The following OSBPL10 variants were observed in gnomAD, a reference collection of about 807,000 sequenced individuals.
OSBPL10 encodes the protein oxysterol binding protein like 10, also known as oxysterol-binding protein-related protein 10.
A neutral mutation model predicts 81.7 loss-of-function variants in OSBPL10; 49 were observed. The ratio of observed to expected loss-of-function variants is 0.60; its 90% CI spans 0.48 to 0.76. The LOEUF is 0.76. OSBPL10 is among the 30% of genes least tolerant of loss of function. The pLI is 0.00. For missense variants in OSBPL10, 923 were observed against 987.8 expected, an observed-to-expected ratio of 0.93 and a Z score of 0.88; for synonymous variants, 419 against 383.6, an observed-to-expected ratio of 1.09 and a Z score of -1.08.
chr3:31,981,321 A>G, upstream of OSBPL10: 1 of 1,248,100 alleles, frequency 8.0e-7, no homozygotes, highest in South Asian at 3.0e-5. The surrounding 1 kb of genome is among the most constrained non-coding windows in gnomAD (Gnocchi z 4.5). Flanking sequence ...ATACAGGAGG[A>G]AGAGGAGGAG....
intron 4 of OSBPL10, among the ~76,000 whole-genome samples, chr3:31,748,508 C>T (rs1210788938): frequency 3.9e-5 from 6 of 152,144 alleles, no homozygotes; most frequent in Non-Finnish European, 8.8e-5. Flanking sequence ...TCCCTCCTTG[C>T]TTTTCCTCCA....
In OSBPL10 at chr3:31,864,535, C is replaced by A. The variant is rs182575101; in HGVS notation, c.537+11898G>T. Among the ~76,000 whole-genome samples the A allele has an allele frequency of 1.2e-4, 19 of 152,180 alleles. No individual in the cohort carries two copies. In the South Asian group the frequency reaches 3.7e-3, roughly 30 times the overall value. ...GATTACAGGAGTGAGCCACCGCACC[C>A]GACCATATACTTAACCATATAAAGT... On this transcript the variant is annotated intron_variant, in intron 3 of 11. Transcript: ENST00000396556.
chr3:31,995,587 A>G (rs2125526631), intron 2 of OSBPL10, among the ~76,000 whole-genome samples: 1 of 152,342 alleles, frequency 6.6e-6, no homozygotes, highest in Non-Finnish European at 1.5e-5. Context: ...TTTACAATCA[A>G]TTTGTACAGT....
At chr3:32,029,603 C>A (rs1699448518) in intron 2 of OSBPL10, among the ~76,000 whole-genome samples, 1 of 152,162 alleles carries the variant, frequency 6.6e-6, no homozygotes, top group Admixed American at 6.5e-5. Context: ...CATGAATCAA[C>A]ATCATGTTCT....
chr3:31,698,738 T>G (rs1695804213), intron 7 of OSBPL10, among the ~76,000 whole-genome samples: 1 of 152,212 alleles, frequency 6.6e-6, no homozygotes, highest in South Asian at 2.1e-4. Context: ...GATGCTCACA[T>G]GGCTGGCTCC....
chr3:31,676,951 G>A (rs1166179149), intron 8 of OSBPL10, among the ~76,000 whole-genome samples: 3 of 152,274 alleles, frequency 2.0e-5, no homozygotes, highest in East Asian at 1.9e-4. Context: ...TGGGGTCAAC[G>A]TGAGTGAATT....
At chr3:31,693,529 C>G (rs1434003399) in intron 7 of OSBPL10, among the ~76,000 whole-genome samples, 5 of 152,182 alleles carry the variant, frequency 3.3e-5, no homozygotes, top group Admixed American at 3.3e-4. Flanking sequence ...TTCCATAAAC[C>G]TGTGGTGAGA....
chr3:31,920,200 G>A (rs1696870341), intron 1 of OSBPL10, among the ~76,000 whole-genome samples: 1 of 152,122 alleles, frequency 6.6e-6, no homozygotes, highest in Non-Finnish European at 1.5e-5. Flanking sequence ...TTTTTAGGAT[G>A]GTGAAAATAT....
chr3:31,998,326 A>G (rs1260339130), intron 2 of OSBPL10, among the ~76,000 whole-genome samples: 1 of 152,172 alleles, frequency 6.6e-6, no homozygotes, highest in African/African-American at 2.4e-5. Flanking sequence ...ATATCTCACC[A>G]CTGGCGACTC....
chr3:31,966,790 G>T (rs1698415171), intron 1 of OSBPL10, among the ~76,000 whole-genome samples: 1 of 152,116 alleles, frequency 6.6e-6, no homozygotes, highest in South Asian at 2.1e-4. Flanking sequence ...AAAAGACTTA[G>T]CTAAAGCTAA....
chr3:31,923,450 A>G (rs116198923), intron 1 of OSBPL10, among the ~76,000 whole-genome samples: 291 of 152,308 alleles, frequency 1.9e-3, no homozygotes, highest in African/African-American at 6.6e-3. Flanking sequence ...CAGACCAACC[A>G]AAAAACTGCC....
At chr3:31,670,174 C>G (rs991673668) in intron 9 of OSBPL10, among the ~76,000 whole-genome samples, 1 of 152,170 alleles carries the variant, frequency 6.6e-6, no homozygotes, top group African/African-American at 2.4e-5. Flanking sequence ...TACACTCACA[C>G]TAATGCCATG....
intron 1 of OSBPL10, among the ~76,000 whole-genome samples, chr3:31,931,014 CAAAAAAAAAAAAAAA>C (rs60251266): frequency 1.6e-5 from 1 of 62,064 alleles, no homozygotes; most frequent in South Asian, 6.5e-4. Flanking sequence ...GACTCGGTCT[CAAAAAAAAAAAAAAA>C]AAAAAAAAAA....
At chr3:32,007,040 T>A (rs1699212640) in intron 2 of OSBPL10, among the ~76,000 whole-genome samples, 1 of 152,198 alleles carries the variant, frequency 6.6e-6, no homozygotes, top group East Asian at 1.9e-4. Context: ...AGTGCTGGGA[T>A]TACAGATGTG....
intron 2 of OSBPL10, among the ~76,000 whole-genome samples, chr3:32,008,760 GAA>G (rs11328847): frequency 1.0e-3 from 115 of 114,448 alleles, no homozygotes; most frequent in Middle Eastern, 4.8e-3. Context: ...ATCCTGACTG[GAA>G]AAAAAAAAAA....
intron 6 of OSBPL10, among the ~76,000 whole-genome samples, chr3:31,723,350 C>T (rs1696711145): frequency 6.6e-6 from 1 of 152,188 alleles, no homozygotes; most frequent in Non-Finnish European, 1.5e-5. Flanking sequence ...AGGGCTGCTC[C>T]AGTATCTTTA....
intron 1 of OSBPL10, among the ~76,000 whole-genome samples, chr3:31,881,739 G>A (rs1695585403): frequency 6.6e-6 from 1 of 152,058 alleles, no homozygotes; most frequent in Non-Finnish European, 1.5e-5. Context: ...TATGTATGAG[G>A]TTGTTTGGAA....
At chr3:31,864,332 C>T (rs1466507324) in intron 3 of OSBPL10, among the ~76,000 whole-genome samples, 1 of 152,120 alleles carries the variant, frequency 6.6e-6, no homozygotes, top group Non-Finnish European at 1.5e-5. Flanking sequence ...ACCTCCGCCT[C>T]CTGGGTTCAA....
chr3:31,703,747 A>G (rs1205686952), intron 6 of OSBPL10: 1 of 152,168 alleles, frequency 6.6e-6, no homozygotes, highest in Non-Finnish European at 1.5e-5. Flanking sequence ...GGTGTTCTCA[A>G]TCAGCTCTAA....
Sources: allele counts gnomAD v4.1 joint callset (sites outside exome capture counted in the v4.1 genomes callset), GRCh38; gene constraint gnomAD v4.1.1; non-coding constraint Gnocchi (gnomAD v3.1); transcripts MANE v1.5; gene names NCBI Gene and HGNC (gene_info 2026-07-23, HGNC 2026-07-21).